DZIP1L: variants seen among roughly 807,000 people sequenced by gnomAD.
DZIP1L encodes cilium assembly protein DZIP1L.
DZIP1L carries 90 observed loss-of-function variants against 88.7 expected under a neutral mutation model. The ratio of observed to expected loss-of-function variants is 1.02; its 90% CI spans 0.86 to 1.21. The LOEUF (loss-of-function observed/expected upper bound fraction) is 1.21, where lower values mean the gene tolerates loss of function less well. Ranked by LOEUF, DZIP1L falls within the 50% of genes most tolerant of loss-of-function variation. The pLI is 0.00. For missense variants in DZIP1L, 932 were observed against 955.8 expected (o/e 0.98, Z 0.33); for synonymous variants, 363 against 372.1 (o/e 0.98, Z 0.28).
rs1292036298 is a variant in DZIP1L, at chr3:138,082,229, AC to A, written c.1204-466del. ...AGACATTCACTGAACTGTCTGCTCA[AC>A]CCCCCTGCTCCAAGAAGTTCCTGTT... is the stretch of plus-strand genomic sequence containing the variant. On this transcript the variant is annotated intron_variant, in intron 8 of 15. Coordinates refer to ENST00000327532, the MANE Select transcript of DZIP1L (RefSeq NM_173543.3). 5.3e-5 allele frequency among the ~76,000 whole-genome samples: 8 copies of A among 152,106 alleles called. No individual in the cohort carries two copies. The South Asian group carries it at 1.0e-3, about 20-fold the overall frequency.
At chr3:138,076,929 T>C (rs1185809159) in intron 11 of DZIP1L, among the ~76,000 whole-genome samples, 1 of 152,194 alleles carries the variant, frequency 6.6e-6, no homozygotes, top group Non-Finnish European at 1.5e-5. Context: ...ATTTCAGATA[T>C]TTTATCTGAA....
chr3:138,102,059 A>C, intron 2 of DZIP1L: 1 of 1,478,392 alleles, frequency 6.8e-7, no homozygotes. Flanking sequence ...GCAGCTCCTC[A>C]TACTTGATCT....
At chr3:138,079,576 T>C (rs929464901) in intron 10 of DZIP1L, among the ~76,000 whole-genome samples, 2 of 152,228 alleles carry the variant, frequency 1.3e-5, no homozygotes, top group Non-Finnish European at 2.9e-5. Context: ...GGTACACACA[T>C]GTGCTTATAT....
intron 2 of DZIP1L, chr3:138,102,207 G>A (rs750167324): frequency 8.7e-6 from 12 of 1,378,470 alleles, no homozygotes; most frequent in South Asian, 1.2e-5. Context: ...CGAGATCTGG[G>A]ACTGCAGCTC....
chr3:138,069,895 A>G (rs1260324864), intron 12 of DZIP1L, among the ~76,000 whole-genome samples: 1 of 152,180 alleles, frequency 6.6e-6, no homozygotes, highest in East Asian at 1.9e-4. Context: ...GGAAAGGTCT[A>G]CAAAATGCCA....
At chr3:138,089,628 G>GT (rs1040295351) in intron 5 of DZIP1L, among the ~76,000 whole-genome samples, 3 of 151,898 alleles carry the variant, frequency 2.0e-5, no homozygotes, top group Non-Finnish European at 2.9e-5. Flanking sequence ...ATCTTACAGT[G>GT]TTTTTTTTAC....
At chr3:138,073,129 T>G (rs73227511) in intron 11 of DZIP1L, among the ~76,000 whole-genome samples, 3 of 152,096 alleles carry the variant, frequency 2.0e-5, no homozygotes, top group African/African-American at 7.2e-5. Context: ...AGGAGCTGTA[T>G]GGCCCTGCCC....
At chr3:138,099,114 G>A (rs1944609799) in intron 2 of DZIP1L, among the ~76,000 whole-genome samples, 1 of 152,214 alleles carries the variant, frequency 6.6e-6, no homozygotes, top group African/African-American at 2.4e-5. Context: ...GGATGACAGA[G>A]TGAGACCCTG....
At chr3:138,110,286 C>T (rs997567485) in intron 1 of DZIP1L, among the ~76,000 whole-genome samples, 2 of 151,994 alleles carry the variant, frequency 1.3e-5, no homozygotes, top group African/African-American at 4.8e-5. Flanking sequence ...GAACATCACA[C>T]ACCAGGGCCT....
At chr3:138,067,435 G>A in intron 14 of DZIP1L, 96 bp downstream of exon 14, 1 of 1,372,592 alleles carries the variant, frequency 7.3e-7, no homozygotes, top group South Asian at 1.5e-5. Context: ...AAAGCCTAAA[G>A]GAAGCTAAAG....
Position 138,071,677 on chromosome 3 carries a change from G to T in DZIP1L, c.1581C>A (p.Gly527=). Residue 527 remains glycine, a synonymous_variant, in exon 12 of 16, where the codon GGC becomes GGA. Coordinates refer to ENST00000327532, the MANE Select transcript of DZIP1L (RefSeq NM_173543.3). ...GCCCGTCTGGCTGGGACACCACAGCGCCATTCTCCTGTCTCTCCTTCGCTC... is the reference window on the plus strand; with the variant it reads ...GCCCGTCTGGCTGGGACACCACAGCTCCATTCTCCTGTCTCTCCTTCGCTC... The part of the protein sequence containing the change: ...TSRAKERQEN[G]AVVSQPDGQP... 1 of 1,614,044 alleles carries T rather than the reference G, an allele frequency of 6.2e-7. No individual in the cohort carries two copies.
chr3:138,086,005 G>C (rs1365719179), intron 7 of DZIP1L, among the ~76,000 whole-genome samples: 1 of 150,554 alleles, frequency 6.6e-6, no homozygotes, highest in Non-Finnish European at 1.5e-5. Context: ...ACTATCACAA[G>C]AACAAAAAAC....
chr3:138,071,060 A>G (rs2107742718), intron 12 of DZIP1L, among the ~76,000 whole-genome samples: 1 of 152,368 alleles, frequency 6.6e-6, no homozygotes, highest in African/African-American at 2.4e-5. Flanking sequence ...AGTGGCAGCT[A>G]TGACCTGGCC....
chr3:138,093,936 T>C (rs1944352366), intron 4 of DZIP1L, among the ~76,000 whole-genome samples: 1 of 152,244 alleles, frequency 6.6e-6, no homozygotes, highest in South Asian at 2.1e-4. Flanking sequence ...GTGTGGTCAG[T>C]GGAGTAGTGC....
intron 10 of DZIP1L, among the ~76,000 whole-genome samples, chr3:138,078,136 T>C (rs1159704499): frequency 6.6e-6 from 1 of 152,218 alleles, no homozygotes; most frequent in Admixed American, 6.5e-5. Flanking sequence ...CCACAGACTA[T>C]ACTTTAAGAA....
intron 12 of DZIP1L, chr3:138,068,882 T>C (rs1261634925): frequency 1.6e-6 from 2 of 1,226,016 alleles, no homozygotes; most frequent in African/African-American, 3.1e-5. Flanking sequence ...TTTTCCAAAT[T>C]GCATCAAGAC....
intron 1 of DZIP1L, among the ~76,000 whole-genome samples, chr3:138,110,677 G>A (rs912180300): frequency 6.6e-6 from 1 of 152,006 alleles, no homozygotes; most frequent in Non-Finnish European, 1.5e-5. Context: ...CTGGCACTCG[G>A]GATCAATGTT....
chr3:138,078,486 G>T (rs910950149), intron 10 of DZIP1L, among the ~76,000 whole-genome samples: 1 of 152,180 alleles, frequency 6.6e-6, no homozygotes, highest in Non-Finnish European at 1.5e-5. Context: ...TCTCAAGGTG[G>T]ACCCCAACGC....
intron 1 of DZIP1L, among the ~76,000 whole-genome samples, chr3:138,111,332 G>A (rs924041440): frequency 6.6e-6 from 1 of 152,180 alleles, no homozygotes; most frequent in Non-Finnish European, 1.5e-5. Flanking sequence ...ATGCCACTCA[G>A]ACTTAGTAAA....
Sources: allele counts gnomAD v4.1 joint callset (sites outside exome capture counted in the v4.1 genomes callset), GRCh38; gene constraint gnomAD v4.1.1; transcripts MANE v1.5; gene names NCBI Gene and HGNC (gene_info 2026-07-23, HGNC 2026-07-21).